Variants in GRM8 observed in about 807,000 individuals in gnomAD.
GRM8 encodes the protein metabotropic glutamate receptor 8.
Under a neutral mutation model 87.2 loss-of-function variants are expected in GRM8, and 47 were observed. That is an observed-to-expected ratio of 0.54 (90% CI 0.43 to 0.69). The LOEUF (loss-of-function observed/expected upper bound fraction) is 0.69. GRM8 is among the 30% of genes least tolerant of loss of function. The pLI is 0.00. For synonymous variants in GRM8, 396 were observed against 404.5 expected (o/e 0.98, Z 0.25); for missense variants, 1,019 against 1,139.2 (o/e 0.89, Z 1.52).
intron 3 of GRM8, among the ~76,000 whole-genome samples, chr7:126,993,060 T>A (rs1812829738): frequency 6.6e-6 from 1 of 152,158 alleles, no homozygotes. Flanking sequence ...GACAGAGATA[T>A]ACAGTGCTCA....
chr7:126,636,322 G>A (rs12539137), intron 7 of GRM8, among the ~76,000 whole-genome samples: 46,764 of 151,758 alleles, frequency 0.31, 8,066 homozygotes, highest in East Asian at 0.43. Context: ...TGGTTTCTAG[G>A]CCTCCCATGG....
At chr7:127,063,780 C>T (rs533329375) in intron 3 of GRM8, among the ~76,000 whole-genome samples, 58 of 152,206 alleles carry the variant, frequency 3.8e-4, no homozygotes, top group South Asian at 8.3e-4. Flanking sequence ...ATGAATTTCC[C>T]TCTTAAAACT....
rs191135660 is a variant in GRM8 at position 126,828,978 on chromosome 7, G to T, written c.1157-58913C>A. Reference sequence around the variant, plus strand: ...TTATGTACCCAGTAGTCATTAAGGAGCAGGTTGTTCAGTTTCCATGTAGTT... The same window carrying T: ...TTATGTACCCAGTAGTCATTAAGGATCAGGTTGTTCAGTTTCCATGTAGTT... On this transcript the variant is annotated intron_variant, in intron 6 of 10. Coordinates refer to ENST00000339582, the MANE Select transcript of GRM8 (RefSeq NM_000845.3). Among the ~76,000 whole-genome samples the T allele has an allele frequency of 1.4e-3, 211 of 152,272 alleles. 1 individual carries two copies. Among genetic ancestry groups the T allele is most frequent in the Middle Eastern group, 3.4e-3 (1 of 294 alleles).
intron 8 of GRM8, among the ~76,000 whole-genome samples, chr7:126,536,258 G>A (rs980332190): frequency 6.6e-6 from 1 of 152,160 alleles, no homozygotes; most frequent in African/African-American, 2.4e-5. Flanking sequence ...TTGACAATCA[G>A]GTGACTGAAA....
chr7:126,516,597 C>A (rs1812202660), intron 9 of GRM8, among the ~76,000 whole-genome samples: 1 of 152,076 alleles, frequency 6.6e-6, no homozygotes, highest in Non-Finnish European at 1.5e-5. Flanking sequence ...AGAAAGTATG[C>A]TTCCAGTAGG....
intron 2 of GRM8, among the ~76,000 whole-genome samples, chr7:127,180,374 A>G (rs551970707): frequency 1.3e-5 from 2 of 152,196 alleles, no homozygotes; most frequent in South Asian, 4.2e-4. Context: ...ACCAACACAA[A>G]AAGTCCGGGA....
chr7:127,045,325 A>G (rs1204786495), intron 3 of GRM8, among the ~76,000 whole-genome samples: 1 of 146,850 alleles, frequency 6.8e-6, no homozygotes, highest in African/African-American at 2.5e-5. Context: ...TTTTTTTTTC[A>G]GTAATTTGTA....
At chr7:126,653,931 G>A (rs1804224597) in intron 7 of GRM8, among the ~76,000 whole-genome samples, 1 of 152,088 alleles carries the variant, frequency 6.6e-6, no homozygotes, top group South Asian at 2.1e-4. Context: ...TTAATAATTG[G>A]CAGGAGATCT....
intron 2 of GRM8, among the ~76,000 whole-genome samples, chr7:127,188,440 T>C (rs551978345): frequency 2.6e-5 from 4 of 152,162 alleles, no homozygotes; most frequent in Non-Finnish European, 5.9e-5. Context: ...CCCATGCCGA[T>C]GCCATGCCCC....
At chr7:126,798,772 T>C (rs1822287671) in intron 6 of GRM8, among the ~76,000 whole-genome samples, 1 of 152,148 alleles carries the variant, frequency 6.6e-6, no homozygotes, top group African/African-American at 2.4e-5. Context: ...TGAGGACAGA[T>C]GACTGGCATT....
chr7:126,922,909 T>C (rs1442532539), intron 3 of GRM8, among the ~76,000 whole-genome samples: 2 of 152,030 alleles, frequency 1.3e-5, no homozygotes, highest in African/African-American at 4.8e-5. Flanking sequence ...CTACCATGAG[T>C]AAAAGCTCCC....
intron 3 of GRM8, among the ~76,000 whole-genome samples, chr7:127,031,301 G>C (rs181020267): frequency 6.6e-6 from 1 of 151,594 alleles, no homozygotes; most frequent in Admixed American, 6.6e-5. Context: ...AAAAATGTTG[G>C]TATCATATTA....
At chr7:127,236,323 C>G (rs998691543) in intron 2 of GRM8, among the ~76,000 whole-genome samples, 2 of 152,226 alleles carry the variant, frequency 1.3e-5, no homozygotes, top group Admixed American at 1.3e-4. Flanking sequence ...CCCTATTAGT[C>G]TGCTTTCACA....
chr7:126,641,410 C>T (rs925025424), intron 7 of GRM8, among the ~76,000 whole-genome samples: 2 of 152,050 alleles, frequency 1.3e-5, no homozygotes, highest in Non-Finnish European at 2.9e-5. Context: ...AAGAAGCTTA[C>T]CTTTATTTGG....
chr7:126,507,923 G>A (rs1185927986), intron 9 of GRM8, among the ~76,000 whole-genome samples: 1 of 151,794 alleles, frequency 6.6e-6, no homozygotes, highest in African/African-American at 2.4e-5. Flanking sequence ...CATCTCTGGG[G>A]TCTGGGTTCT....
intron 2 of GRM8, among the ~76,000 whole-genome samples, chr7:127,237,769 A>C (rs1798060794): frequency 1.3e-5 from 2 of 152,210 alleles, no homozygotes; most frequent in African/African-American, 2.4e-5. Context: ...AGAAAAACAA[A>C]AGAGAGAGGA....
intron 9 of GRM8, among the ~76,000 whole-genome samples, chr7:126,482,570 C>T (rs531867624): frequency 3.9e-5 from 6 of 152,010 alleles, no homozygotes; most frequent in Middle Eastern, 3.4e-3. Flanking sequence ...CATGATTCTG[C>T]TTATATAAGG....
intron 2 of GRM8, among the ~76,000 whole-genome samples, chr7:127,119,680 A>G (rs1826917250): frequency 6.6e-6 from 1 of 152,172 alleles, no homozygotes; most frequent in African/African-American, 2.4e-5. Flanking sequence ...TCTTGGTGAA[A>G]GGTGTTCATG....
intron 3 of GRM8, among the ~76,000 whole-genome samples, chr7:127,098,772 T>C (rs1824926443): frequency 6.6e-6 from 1 of 152,184 alleles, no homozygotes; most frequent in Non-Finnish European, 1.5e-5. Flanking sequence ...CATTTGCAAA[T>C]TTAGGGGGAG....
Sources: gnomAD v4.1 joint callset for allele counts (sites outside exome capture counted in the v4.1 genomes callset) on GRCh38, gnomAD v4.1.1 for gene constraint, MANE v1.5 for transcripts, NCBI Gene and HGNC (gene_info 2026-07-23, HGNC 2026-07-21) for gene names.